NOL8: variants seen among roughly 807,000 people sequenced by gnomAD.
NOL8 encodes nucleolar protein 8.
In NOL8, 93 loss-of-function variants were observed where a neutral mutation model predicts 116.1. The observed-to-expected ratio is 0.80, with a 90% CI of 0.68 to 0.95. The LOEUF (loss-of-function observed/expected upper bound fraction) is 0.95. NOL8 is among the 40% of genes least tolerant of loss of function. The pLI, the probability that NOL8 is intolerant of heterozygous loss-of-function variation, is 0.00. For synonymous variants in NOL8, 419 were observed against 469.0 expected, an observed-to-expected ratio of 0.89 and a Z score of 1.38; for missense variants, 1,291 against 1,382.8, an observed-to-expected ratio of 0.93 and a Z score of 1.05.
chr9:92,300,526 A>C, intron 13 of NOL8: 7 of 990,574 alleles, frequency 7.1e-6, no homozygotes, highest in Non-Finnish European at 8.4e-6. Context: ...AAATTTCCCA[A>C]GTACTTAAAA....
chr9:92,318,211 G>A (rs1839603640), intron 6 of NOL8, among the ~76,000 whole-genome samples: 1 of 151,856 alleles, frequency 6.6e-6, no homozygotes, highest in Admixed American at 6.6e-5. Flanking sequence ...CCTCGTGCTT[G>A]CCCACATATT....
chr9:92,314,471 T>G lies in NOL8; in HGVS notation c.2154A>C (p.Thr718=), dbSNP rs1839169221. The part of the protein sequence containing the change: ...QEERSDSSGL[T]SLKKSPKVSS... Reference sequence around the variant, plus strand: ...AGACCTTTGGTGATTTCTTGAGAGATGTGAGGCCGCTTGAATCAGACCGCT... The same window carrying G: ...AGACCTTTGGTGATTTCTTGAGAGAGGTGAGGCCGCTTGAATCAGACCGCT... Residue 718 remains threonine (T), a synonymous_variant, in exon 7 of 17, where the codon ACA becomes ACC. Transcript: ENST00000442668. The G allele has an allele frequency of 6.2e-7, 1 of 1,612,826 alleles. No homozygotes were observed. The highest frequency in any genetic ancestry group is 1.7e-5 in the Admixed American group (1 of 59,974).
Position 92,314,842 on chromosome 9 carries a change from A to G in NOL8, c.1783T>C (p.Ser595Pro). ...ATGGAATTCTGATCTTTATTGTTAG[A>G]GGCAACACTGTCTTTCAAGGATTTT... ...MKKSLKDSVA[S>P]NNKDQNSMKH... The change falls in exon 7 of 17, where the codon TCT becomes CCT. Residue 595 changes from serine (S) to proline (P), a missense_variant. Physicochemically the swap from Ser to Pro is moderately conservative, Grantham distance 74. Coordinates refer to ENST00000442668, the MANE Select transcript of NOL8 (RefSeq NM_017948.6). 1 of 1,613,292 alleles carries G rather than the reference A, an allele frequency of 6.2e-7. No individual in the cohort carries two copies. Among genetic ancestry groups the G allele is most frequent in the Non-Finnish European group, 8.5e-7 (1 of 1,179,654 alleles).
chr9:92,321,063 A>G (rs1005139032), intron 4 of NOL8, among the ~76,000 whole-genome samples: 2 of 152,262 alleles, frequency 1.3e-5, no homozygotes, highest in Non-Finnish European at 2.9e-5. Context: ...TATGCCTGTC[A>G]TACAGTGATC....
At position 92,297,805 on chromosome 9, in the gene NOL8, C is replaced by G. The variant is rs552573004; in HGVS notation, c.*31G>C. On this transcript the variant is annotated 3_prime_UTR_variant, in exon 17 of 17. Coordinates refer to ENST00000442668, the MANE Select transcript of NOL8 (RefSeq NM_017948.6). ...TCAGTTTCCTTAGGTGAGCCTTGTT[C>G]ACATTCAGTATCAAAACCAGCTGAC... 26 of 1,520,700 alleles carry G rather than the reference C, an allele frequency of 1.7e-5. 1 individual carries two copies. Among genetic ancestry groups the G allele is most frequent in the Middle Eastern group, 3.4e-4 (2 of 5,870 alleles). 94.2% of individuals were successfully genotyped at this position (1,520,700 alleles called of 1,614,324 possible).
At chr9:92,309,886 G>C (rs1326615371) in intron 10 of NOL8, among the ~76,000 whole-genome samples, 2 of 152,168 alleles carry the variant, frequency 1.3e-5, no homozygotes, top group East Asian at 3.9e-4. Flanking sequence ...CCACTGCCAG[G>C]TAGGAAACTC....
intron 9 of NOL8, 90 bp from the exon 10 acceptor site, chr9:92,310,351 C>A: frequency 1.6e-6 from 2 of 1,220,594 alleles, no homozygotes; most frequent in Admixed American, 4.0e-5. Flanking sequence ...TCCCCACACA[C>A]TGAAATTCAC....
In NOL8 at chr9:92,297,391, T is replaced by G. The variant is rs1474083139; in HGVS notation, c.*445A>C. The G allele has an allele frequency of 6.4e-6, 1 of 155,384 alleles. No individual in the cohort carries two copies. The highest frequency in any genetic ancestry group is 2.4e-5 in the African/African-American group (1 of 41,498). 9.6% of individuals were successfully genotyped at this position (155,384 alleles called of 1,614,324 possible). On this transcript the variant is annotated 3_prime_UTR_variant, in exon 17 of 17. Transcript: ENST00000442668. ...AATGTTGACTTGTAATTTATCAGTT[T>G]AAACAAAAATGACAAAATGGAAGGT... is the stretch of plus-strand genomic sequence containing the variant.
intron 5 of NOL8, 71 bp from the exon 6 acceptor site, chr9:92,318,757 TA>T: frequency 1.0e-6 from 1 of 967,482 alleles, no homozygotes; most frequent in Non-Finnish European, 1.5e-6. Flanking sequence ...CAATATTAGG[TA>T]AATACAACAA....
chr9:92,301,581 A>C lies in NOL8; in HGVS notation c.3145T>G (p.Phe1049Val). The C allele has an allele frequency of 6.2e-7, 1 of 1,603,056 alleles. No homozygotes were observed. Among genetic ancestry groups the C allele is most frequent in the East Asian group, 2.2e-5 (1 of 44,698 alleles). The change falls in exon 13 of 17, where the codon TTT becomes GTT. Residue 1049 changes from phenylalanine (F) to valine (V), a missense_variant. Physicochemically the swap from Phe to Val is conservative, Grantham distance 50. Coordinates refer to ENST00000442668, the MANE Select transcript of NOL8 (RefSeq NM_017948.6). Reference protein sequence around the residue: ...EQPSGFTFSFFDSDTKDIKEE... With the variant: ...EQPSGFTFSFVDSDTKDIKEE... ...TTTATGTCTTTAGTGTCTGAATCAA[A>C]AAAAGAGAACGTGAACCCGCTGGGC...
chr9:92,318,488 A>C, intron 6 of NOL8, 130 bp downstream of exon 6: 2 of 674,024 alleles, frequency 3.0e-6, no homozygotes, highest in Non-Finnish European at 2.6e-6. Context: ...CATGTAGGTG[A>C]GTACCAAGAA....
At chr9:92,324,295 G>T in intron 1 of NOL8, 86 bp from the exon 2 acceptor site, 2 of 1,064,044 alleles carry the variant, frequency 1.9e-6, no homozygotes, top group Non-Finnish European at 1.4e-6. Flanking sequence ...TATCAAATCC[G>T]TCTCCTGGAT....
chr9:92,306,847 A>C (rs767416673), intron 11 of NOL8, 39 bp downstream of exon 11: 1 of 1,572,146 alleles, frequency 6.4e-7, no homozygotes, highest in South Asian at 1.2e-5. Flanking sequence ...TTTATGGCAA[A>C]GGATGATATG....
chr9:92,310,393 T>A, intron 9 of NOL8, 132 bp from the exon 10 acceptor site: 1 of 1,159,958 alleles, frequency 8.6e-7, no homozygotes, highest in East Asian at 2.4e-5. Context: ...CTCCATCTAC[T>A]TATGAACCAA....
rs140919509 is a variant in NOL8, at chr9:92,299,774, A to T, written c.3302+116T>A. 13 of 1,133,096 alleles carry T rather than the reference A, an allele frequency of 1.1e-5. No individual in the cohort carries two copies. In the East Asian group the frequency reaches 3.3e-4, roughly 29 times the overall value. 70.2% of individuals were successfully genotyped at this position (1,133,096 alleles called of 1,614,324 possible). A position where few individuals can be genotyped will look rare whatever the true frequency, so the allele number is the denominator to read the frequency against. ...CTCAAAAAAAAAAAATAAAATAAAAAAAGAAGCTAAGACAATTTAGTTGTC... is the reference window on the plus strand; with the variant it reads ...CTCAAAAAAAAAAAATAAAATAAAATAAGAAGCTAAGACAATTTAGTTGTC... On this transcript the variant is annotated intron_variant, in intron 14 of 16. Coordinates refer to ENST00000442668, the MANE Select transcript of NOL8 (RefSeq NM_017948.6).
rs1374091035 is a variant in NOL8, at chr9:92,300,495, C to T, written c.3176-479G>A. 4 of 990,182 alleles carry T rather than the reference C, an allele frequency of 4.0e-6. No homozygotes were observed. The Admixed American group carries it at 1.8e-4, about 45-fold the overall frequency. 61.3% of individuals were successfully genotyped at this position (990,182 alleles called of 1,614,324 possible). A position where few individuals can be genotyped will look rare whatever the true frequency, so the allele number is the denominator to read the frequency against. On this transcript the variant is annotated intron_variant, in intron 13 of 16. Transcript: ENST00000442668. ...AAAAACTACTGCTATAAGATCAGGA[C>T]AATCACCTCACAAGTCTTCAAAATT...
intron 6 of NOL8, 57 bp downstream of exon 6, chr9:92,318,561 T>G: frequency 8.3e-7 from 1 of 1,198,536 alleles, no homozygotes; most frequent in South Asian, 1.4e-5. Flanking sequence ...ATGCTAAAGG[T>G]ATTTTACAAG....
At chr9:92,305,227 G>C in intron 12 of NOL8, among the ~76,000 whole-genome samples, 1 of 152,134 alleles carries the variant, frequency 6.6e-6, no homozygotes, top group South Asian at 2.1e-4. Flanking sequence ...ACAAAGAGGA[G>C]AGACAGAAAA....
Position 92,304,715 on chromosome 9 carries a change from T to C in NOL8, c.2903+1038A>G, listed in dbSNP as rs76564713. Reference sequence around the variant, plus strand: ...TAACGAAAATAGTAGAGTTCCTAAATAGCCTTCACTTTGTTTTCCCTAATG... The same window carrying C: ...TAACGAAAATAGTAGAGTTCCTAAACAGCCTTCACTTTGTTTTCCCTAATG... On this transcript the variant is annotated intron_variant, in intron 12 of 16. Transcript: ENST00000442668. Among the ~76,000 whole-genome samples, 57 of 152,322 alleles carry C rather than the reference T, an allele frequency of 3.7e-4. No individual in the cohort carries two copies. In the East Asian group the frequency reaches 4.2e-3, roughly 11 times the overall value.
Sources: gnomAD v4.1 joint callset for allele counts (sites outside exome capture counted in the v4.1 genomes callset) on GRCh38, gnomAD v4.1.1 for gene constraint, MANE v1.5 for transcripts, NCBI Gene and HGNC (gene_info 2026-07-23, HGNC 2026-07-21) for gene names.